USP33: variants seen among roughly 807,000 people sequenced by gnomAD.
The protein encoded by USP33 is ubiquitin specific peptidase 33.
Under a neutral mutation model 124.2 loss-of-function variants are expected in USP33, and 46 were observed. That is an observed-to-expected ratio of 0.37 (90% CI 0.29 to 0.47). The LOEUF is 0.47. Ranked by LOEUF, USP33 falls within the 20% of genes least tolerant of loss-of-function variation. The pLI, the probability that USP33 is intolerant of heterozygous loss-of-function variation, is 0.99. For synonymous variants in USP33, 350 were observed against 352.3 expected, an observed-to-expected ratio of 0.99 and a Z score of 0.07; for missense variants, 851 against 1,070.6, an observed-to-expected ratio of 0.79 and a Z score of 2.86.
At chr1:77,723,490 A>C (rs759968837) in intron 11 of USP33, 47 bp from the exon 12 acceptor site, 10 of 1,277,060 alleles carry the variant, frequency 7.8e-6, no homozygotes, top group Non-Finnish European at 1.1e-5. Context: ...CTCCTTTAAC[A>C]TTTTTCTCTG....
intron 1 of USP33, among the ~76,000 whole-genome samples, chr1:77,757,285 A>G (rs766181932): frequency 6.6e-6 from 1 of 152,230 alleles, no homozygotes; most frequent in Non-Finnish European, 1.5e-5. Context: ...GAAGGCAGAA[A>G]CCACGTTTCA....
chr1:77,727,194 G>GTT (rs905981466), intron 10 of USP33, among the ~76,000 whole-genome samples: 6 of 152,164 alleles, frequency 3.9e-5, no homozygotes, highest in African/African-American at 1.2e-4. Flanking sequence ...GAGATGAAGT[G>GTT]TTTTAGGTTT....
chr1:77,707,254 G>A lies in USP33; in HGVS notation c.2406+4493C>T, dbSNP rs72938038. Among the ~76,000 whole-genome samples, 1,464 of 152,246 alleles carry A rather than the reference G, an allele frequency of 9.6e-3. 27 individuals are homozygous for A. The highest frequency in any genetic ancestry group is 0.033 in the African/African-American group (1,368 of 41,556). ...CAGAACTCCAAAATCAAAGTGTCAGGAGAACCATTCACCCTGCAGAGGCTC... is the reference window on the plus strand; with the variant it reads ...CAGAACTCCAAAATCAAAGTGTCAGAAGAACCATTCACCCTGCAGAGGCTC... On this transcript the variant is annotated intron_variant, in intron 21 of 23. Coordinates refer to ENST00000370794, the MANE Select transcript of USP33 (RefSeq NM_201624.3).
At chr1:77,739,233 T>C (rs1570833228) in intron 5 of USP33, 32 bp downstream of exon 5, 2 of 1,581,054 alleles carry the variant, frequency 1.3e-6, no homozygotes, top group Non-Finnish European at 8.6e-7. Context: ...CGGAATGTTT[T>C]ACAGCTTAAC....
chr1:77,749,556 A>G (rs891292857), intron 1 of USP33, among the ~76,000 whole-genome samples: 2 of 151,960 alleles, frequency 1.3e-5, no homozygotes, highest in Non-Finnish European at 1.5e-5. Flanking sequence ...TAATTTTTGT[A>G]TTATTAGTAG....
At chr1:77,714,457 G>T (rs1458658429) in intron 19 of USP33, among the ~76,000 whole-genome samples, 157 bp downstream of exon 19, 3 of 152,186 alleles carry the variant, frequency 2.0e-5, no homozygotes, top group Non-Finnish European at 4.4e-5. Flanking sequence ...AAAAGGAAGG[G>T]TGAATTTCTG....
chr1:77,741,338 T>C (rs776678971), intron 3 of USP33, 38 bp downstream of exon 3: 7 of 1,557,456 alleles, frequency 4.5e-6, no homozygotes, highest in African/African-American at 1.4e-5. Context: ...AATTTATTAT[T>C]ATTATAGCAA....
At chr1:77,711,277 C>A (rs572402400) in intron 21 of USP33, among the ~76,000 whole-genome samples, 3 of 152,104 alleles carry the variant, frequency 2.0e-5, no homozygotes, top group African/African-American at 7.2e-5. Context: ...CCTATAATCC[C>A]AGTACTTTGT....
In USP33 at chr1:77,741,372, A is replaced by C; in HGVS notation, c.135+4T>G. 1 of 1,598,898 alleles carries C rather than the reference A, an allele frequency of 6.3e-7. No homozygotes were observed. The highest frequency in any genetic ancestry group is 8.5e-7 in the Non-Finnish European group (1 of 1,175,928). On this transcript the variant is annotated splice_donor_region_variant and intron_variant, in intron 3 of 23. Coordinates refer to ENST00000370794, the MANE Select transcript of USP33 (RefSeq NM_201624.3). ...AATCTTTTCAGGAAAAAACATATAC[A>C]CACCTCCAGACATGCCCAAAGATTT...
chr1:77,706,452 G>A (rs943583993), intron 21 of USP33, among the ~76,000 whole-genome samples: 1 of 152,114 alleles, frequency 6.6e-6, no homozygotes, highest in Non-Finnish European at 1.5e-5. Context: ...TTGATGACAC[G>A]TGATTTGTAA....
intron 7 of USP33, among the ~76,000 whole-genome samples, 186 bp downstream of exon 7, chr1:77,734,161 C>G (rs1678156176): frequency 2.0e-5 from 3 of 152,130 alleles, no homozygotes; most frequent in Admixed American, 2.0e-4. Context: ...ACACAAGGAC[C>G]AGCAGCCTCA....
chr1:77,731,516 T>A (rs1033235611), intron 7 of USP33, among the ~76,000 whole-genome samples: 3 of 151,938 alleles, frequency 2.0e-5, no homozygotes, highest in African/African-American at 7.2e-5. Flanking sequence ...AACTACTAAG[T>A]CATCTCTTTG....
intron 11 of USP33, 148 bp from the exon 12 acceptor site, chr1:77,723,591 CT>C (rs770818998): frequency 3.3e-6 from 2 of 597,508 alleles, no homozygotes; most frequent in Non-Finnish European, 5.8e-6. Flanking sequence ...TTTCAAAATA[CT>C]CTTCAAAAGA....
intron 8 of USP33, among the ~76,000 whole-genome samples, chr1:77,730,289 T>A (rs906502026): frequency 1.3e-5 from 2 of 152,240 alleles, no homozygotes; most frequent in African/African-American, 4.8e-5. Context: ...AGGAAAATAT[T>A]CATATAGTAT....
rs754818538 is a variant in USP33, at chr1:77,736,150, T to C, written c.360A>G (p.Lys120=). 1.2e-6 allele frequency: 2 copies of C among 1,606,850 alleles called. No homozygotes were observed. The highest frequency in any genetic ancestry group is 4.5e-5 in the East Asian group (2 of 44,752). ...TTTTTAATGTTGTATTACTGGGTAT[T>C]TTAAAATCCTTGATAACAAAAAAAG... is the stretch of plus-strand genomic sequence containing the variant. The part of the protein sequence containing the change: ...QIQENSVQDF[K]IPSNTTLKTP... Residue 120 remains lysine, a synonymous_variant, in exon 6 of 24, where the codon AAA becomes AAG. Transcript: ENST00000370794.
At chr1:77,719,847 C>G (rs1357678036) in intron 15 of USP33, among the ~76,000 whole-genome samples, 4 of 140,414 alleles carry the variant, frequency 2.8e-5, no homozygotes, top group East Asian at 2.1e-4. Flanking sequence ...GAGCAAGGCT[C>G]CCTCTCAAGA....
At chr1:77,732,789 CTTTTTTTTT>C (rs939934675) in intron 7 of USP33, among the ~76,000 whole-genome samples, 28 of 104,896 alleles carry the variant, frequency 2.7e-4, no homozygotes, top group Admixed American at 1.2e-3. Flanking sequence ...AATGTCTCTT[CTTTTTTTTT>C]TTTTTTTTTT....
intron 1 of USP33, among the ~76,000 whole-genome samples, chr1:77,758,985 T>G (rs1681066069): frequency 1.3e-5 from 2 of 152,194 alleles, no homozygotes. Context: ...GAGCTCAACG[T>G]AAAACCCTGT....
chr1:77,758,252 C>T (rs568494611), intron 1 of USP33, among the ~76,000 whole-genome samples: 1 of 140,790 alleles, frequency 7.1e-6, no homozygotes, highest in African/African-American at 2.7e-5. Context: ...ATGATCTCGG[C>T]TCATTGCAAG....
Sources: gnomAD v4.1 joint callset for allele counts (sites outside exome capture counted in the v4.1 genomes callset) on GRCh38, gnomAD v4.1.1 for gene constraint, MANE v1.5 for transcripts, NCBI Gene and HGNC (gene_info 2026-07-23, HGNC 2026-07-21) for gene names.